Variants in PRKG1 observed in about 807,000 individuals in gnomAD.
PRKG1 encodes protein kinase cGMP-dependent 1, also known as cGMP-dependent protein kinase 1.
PRKG1 carries 35 observed loss-of-function variants against 88.1 expected under a neutral mutation model. That is an observed-to-expected ratio of 0.40 (90% CI 0.30 to 0.53). PRKG1 has a LOEUF of 0.53. PRKG1 is among the 20% of genes least tolerant of loss of function. PRKG1 has a pLI of 0.59. For missense variants in PRKG1, 540 were observed against 839.8 expected (o/e 0.64, Z 4.41); for synonymous variants, 303 against 292.5 (o/e 1.04, Z -0.37).
At chr10:51,584,120 TA>T (rs762588037) in intron 3 of PRKG1, among the ~76,000 whole-genome samples, 6 of 152,108 alleles carry the variant, frequency 3.9e-5, no homozygotes, top group Non-Finnish European at 7.4e-5. Context: ...TAGTTTCCAT[TA>T]ATTAATTTGT....
rs151231042 is a variant in PRKG1, at chr10:51,557,491, T to TTA, written c.592+89657_592+89658dup. On this transcript the variant is annotated intron_variant, in intron 3 of 17. Coordinates refer to ENST00000373980, the MANE Select transcript of PRKG1 (RefSeq NM_006258.4). ...TAGGAGAAAAGTGCTTATAAGGGAG[T>TTA]TATGAGTATGGGCTTTATTGTCATA... Among the ~76,000 whole-genome samples, 701 of 151,912 alleles carry TTA rather than the reference T, an allele frequency of 4.6e-3. 7 individuals carry two copies. The highest frequency in any genetic ancestry group is 0.016 in the African/African-American group (659 of 41,426).
chr10:51,409,954 C>A (rs2132685112), intron 2 of PRKG1, among the ~76,000 whole-genome samples: 1 of 151,434 alleles, frequency 6.6e-6, no homozygotes, highest in Admixed American at 6.6e-5. Context: ...TGGGGGCCTG[C>A]CAGAGGCTTC....
At chr10:51,261,305 C>T (rs1258170810) in intron 2 of PRKG1, among the ~76,000 whole-genome samples, 1 of 152,144 alleles carries the variant, frequency 6.6e-6, no homozygotes, top group Non-Finnish European at 1.5e-5. Context: ...AGAGATATTC[C>T]TAGAGCCTAA....
chr10:51,040,091 T>A (rs1843400138), intron 1 of PRKG1, among the ~76,000 whole-genome samples: 1 of 152,090 alleles, frequency 6.6e-6, no homozygotes, highest in South Asian at 2.1e-4. Flanking sequence ...AGTTTAGGAT[T>A]GTTTTTTCTA....
intron 1 of PRKG1, among the ~76,000 whole-genome samples, chr10:51,122,733 A>C (rs545728467): frequency 1.1e-4 from 17 of 152,314 alleles, no homozygotes; most frequent in Admixed American, 1.0e-3. Flanking sequence ...CTGATTTGAC[A>C]CTGGCAACTA....
At chr10:51,312,867 A>C (rs1366137329) in intron 2 of PRKG1, among the ~76,000 whole-genome samples, 2 of 152,116 alleles carry the variant, frequency 1.3e-5, no homozygotes, top group East Asian at 3.8e-4. Context: ...CAAATTTTTC[A>C]CTGTGGGACT....
At chr10:51,987,758 A>T (rs1231949327) in intron 5 of PRKG1, among the ~76,000 whole-genome samples, 1 of 152,010 alleles carries the variant, frequency 6.6e-6, no homozygotes, top group Non-Finnish European at 1.5e-5. Context: ...ATGTCAGTGT[A>T]TGTGTGTCTG....
At chr10:51,870,328 T>A (rs1238693771) in intron 4 of PRKG1, among the ~76,000 whole-genome samples, 1 of 152,046 alleles carries the variant, frequency 6.6e-6, no homozygotes, top group Non-Finnish European at 1.5e-5. Flanking sequence ...AGACGTCTTG[T>A]TCCTCCAGTG....
At chr10:52,027,003 G>A (rs117356994) in intron 5 of PRKG1, among the ~76,000 whole-genome samples, 3 of 151,746 alleles carry the variant, frequency 2.0e-5, no homozygotes, top group Non-Finnish European at 2.9e-5. Context: ...GGCGAATTTC[G>A]TGATATATGA....
chr10:51,709,086 A>G (rs1401541479), intron 3 of PRKG1, among the ~76,000 whole-genome samples: 1 of 152,196 alleles, frequency 6.6e-6, no homozygotes, highest in Non-Finnish European at 1.5e-5. Flanking sequence ...TCATTCTCTC[A>G]ATCTCTACAA....
At chr10:51,695,784 A>C (rs1841274621) in intron 3 of PRKG1, 1 of 152,230 alleles carries the variant, frequency 6.6e-6, no homozygotes, top group African/African-American at 2.4e-5. Context: ...AACCTTGCAA[A>C]CAAAGAATTA....
chr10:51,502,014 G>C (rs1052884353), intron 3 of PRKG1, among the ~76,000 whole-genome samples: 53 of 151,990 alleles, frequency 3.5e-4, no homozygotes, highest in African/African-American at 1.3e-3. Flanking sequence ...GATATTATGA[G>C]ATTTTCAATG....
intron 3 of PRKG1, among the ~76,000 whole-genome samples, chr10:51,507,299 A>C (rs1357114544): frequency 1.1e-5 from 1 of 87,386 alleles, no homozygotes; most frequent in Non-Finnish European, 2.7e-5. Flanking sequence ...CTTAAAGTAT[A>C]AAAAAAAATA....
chr10:51,268,311 G>A (rs1235287196), intron 2 of PRKG1, among the ~76,000 whole-genome samples: 1 of 152,100 alleles, frequency 6.6e-6, no homozygotes, highest in East Asian at 1.9e-4. Flanking sequence ...GAGAGCAACT[G>A]GTCTGACCAC....
At chr10:51,795,052 A>C (rs1265301433) in intron 3 of PRKG1, among the ~76,000 whole-genome samples, 3 of 152,124 alleles carry the variant, frequency 2.0e-5, no homozygotes, top group Non-Finnish European at 1.5e-5. Flanking sequence ...ATTTGTACTA[A>C]AATCATTATC....
intron 3 of PRKG1, among the ~76,000 whole-genome samples, chr10:51,651,900 T>C (rs1589162304): frequency 6.6e-6 from 1 of 152,198 alleles, no homozygotes; most frequent in African/African-American, 2.4e-5. Flanking sequence ...TAATAAACAG[T>C]AAATATTTGA....
Position 51,164,488 on chromosome 10 carries a change from C to T in PRKG1, c.478+11158C>T, listed in dbSNP as rs578077728. Among the ~76,000 whole-genome samples, 40 of 152,250 alleles carry T rather than the reference C, an allele frequency of 2.6e-4. No individual in the cohort carries two copies. In the East Asian group the frequency reaches 3.5e-3, roughly 13 times the overall value. Reference sequence around the variant, plus strand: ...AAACTGGAAACTCCAAAAAGCAGAGCGCCTCTCCTCCTCCAAAGGAACGCA... The same window carrying T: ...AAACTGGAAACTCCAAAAAGCAGAGTGCCTCTCCTCCTCCAAAGGAACGCA... On this transcript the variant is annotated intron_variant, in intron 2 of 17. Coordinates refer to ENST00000373980, the MANE Select transcript of PRKG1 (RefSeq NM_006258.4).
At chr10:51,456,030 T>C (rs1416749418) in intron 2 of PRKG1, among the ~76,000 whole-genome samples, 1 of 152,148 alleles carries the variant, frequency 6.6e-6, no homozygotes, top group Non-Finnish European at 1.5e-5. Context: ...GGGTAATTTA[T>C]AAAGAAAAGA....
At chr10:51,449,210 G>A (rs1214891532) in intron 2 of PRKG1, among the ~76,000 whole-genome samples, 2 of 151,614 alleles carry the variant, frequency 1.3e-5, no homozygotes, top group Non-Finnish European at 1.5e-5. Context: ...TCAACATGAG[G>A]TTAAATGGTC....
Sources: allele counts gnomAD v4.1 joint callset (sites outside exome capture counted in the v4.1 genomes callset), GRCh38; gene constraint gnomAD v4.1.1; transcripts MANE v1.5; gene names NCBI Gene and HGNC (gene_info 2026-07-23, HGNC 2026-07-21).